Variants in SLC35D2 observed in about 807,000 individuals in gnomAD.
The protein encoded by SLC35D2 is solute carrier family 35 member D2.
In SLC35D2, 43 loss-of-function variants were observed where a neutral mutation model predicts 41.8. That is an observed-to-expected ratio of 1.03 (90% CI 0.81 to 1.33). The LOEUF (loss-of-function observed/expected upper bound fraction) is 1.33. SLC35D2 is among the 40% of genes most tolerant of loss of function. The pLI, the probability that SLC35D2 is intolerant of heterozygous loss-of-function variation, is 0.00. For synonymous variants in SLC35D2, 150 were observed against 163.9 expected, an observed-to-expected ratio of 0.92 and a Z score of 0.65; for missense variants, 380 against 408.4, an observed-to-expected ratio of 0.93 and a Z score of 0.60.
intron 1 of SLC35D2, among the ~76,000 whole-genome samples, chr9:96,378,034 G>C (rs1256553587): frequency 6.6e-6 from 1 of 152,134 alleles, no homozygotes; most frequent in African/African-American, 2.4e-5. Context: ...GTTGCTTTTG[G>C]TTTGGGATAC....
intron 1 of SLC35D2, among the ~76,000 whole-genome samples, chr9:96,373,586 C>T (rs1830801940): frequency 1.3e-5 from 2 of 151,200 alleles, no homozygotes; most frequent in Admixed American, 6.6e-5. Context: ...ACTCGGGAGG[C>T]TGAGGCAGGA....
intron 1 of SLC35D2, among the ~76,000 whole-genome samples, chr9:96,374,577 G>A (rs903181916): frequency 1.3e-5 from 2 of 150,248 alleles, no homozygotes; most frequent in African/African-American, 2.5e-5. Flanking sequence ...GCTCACCCCT[G>A]TAATCCCAGC....
chr9:96,322,454 T>C (rs577316675), intron 10 of SLC35D2, among the ~76,000 whole-genome samples: 4 of 151,902 alleles, frequency 2.6e-5, no homozygotes, highest in Non-Finnish European at 5.9e-5. Flanking sequence ...GCCCAGGAAG[T>C]CAAGGCTGCA....
intron 6 of SLC35D2, among the ~76,000 whole-genome samples, chr9:96,349,153 A>G (rs936647519): frequency 6.6e-6 from 1 of 152,286 alleles, no homozygotes; most frequent in Non-Finnish European, 1.5e-5. Flanking sequence ...TCCCTTTTCA[A>G]TCTTAAAAGA....
chr9:96,339,458 G>A (rs1455269092), intron 8 of SLC35D2, among the ~76,000 whole-genome samples: 1 of 151,958 alleles, frequency 6.6e-6, no homozygotes, highest in East Asian at 1.9e-4. Flanking sequence ...ATAATGATGA[G>A]ACGGTATTAG....
intron 1 of SLC35D2, among the ~76,000 whole-genome samples, chr9:96,372,883 G>C (rs553257395): frequency 2.0e-5 from 3 of 150,204 alleles, no homozygotes; most frequent in Middle Eastern, 3.5e-3. Flanking sequence ...ACCATGCCCG[G>C]GTTTTTTGTT....
chr9:96,373,868 G>A (rs1481684746), intron 1 of SLC35D2: 1 of 152,284 alleles, frequency 6.6e-6, no homozygotes, highest in Admixed American at 6.5e-5. Context: ...AGATTTGGTA[G>A]TAGATTATTT....
At chr9:96,334,358 C>T (rs1213329909) in intron 9 of SLC35D2, among the ~76,000 whole-genome samples, 1 of 152,176 alleles carries the variant, frequency 6.6e-6, no homozygotes, top group Non-Finnish European at 1.5e-5. Flanking sequence ...GCAAAATGGG[C>T]CGGGTGTGGC....
rs759648423 is a variant in SLC35D2, at chr9:96,351,996, G to A, written c.419+42C>T. Reference sequence around the variant, plus strand: ...TTTGCTGGGTAAAAGAAATGCAGTGGGTGGGAGGCACACTGGAAGAATGGA... The same window carrying A: ...TTTGCTGGGTAAAAGAAATGCAGTGAGTGGGAGGCACACTGGAAGAATGGA... On this transcript the variant is annotated intron_variant, in intron 5 of 11. Coordinates refer to ENST00000253270, the MANE Select transcript of SLC35D2 (RefSeq NM_007001.3). 4.6e-6 allele frequency: 6 copies of A among 1,303,450 alleles called. No homozygotes were observed. In the East Asian group the frequency reaches 1.2e-4, roughly 25 times the overall value. The allele number at this position is 1,303,450 out of a possible 1,614,324, so 80.7% of individuals were successfully genotyped here. A position where few individuals can be genotyped will look rare whatever the true frequency, so the allele number is the denominator to read the frequency against.
At chr9:96,322,439 C>T (rs1283977153) in intron 10 of SLC35D2, among the ~76,000 whole-genome samples, 2 of 152,140 alleles carry the variant, frequency 1.3e-5, no homozygotes, top group Non-Finnish European at 2.9e-5. Context: ...GGGAGGATTG[C>T]TTGAGCCCAG....
At chr9:96,315,670 T>C (rs1828035368) in intron 11 of SLC35D2, among the ~76,000 whole-genome samples, 1 of 152,154 alleles carries the variant, frequency 6.6e-6, no homozygotes, top group African/African-American at 2.4e-5. Context: ...CCTGACCTTG[T>C]GATCCACCCG....
chr9:96,336,389 C>T (rs936205807), intron 9 of SLC35D2, among the ~76,000 whole-genome samples: 3 of 152,090 alleles, frequency 2.0e-5, no homozygotes, highest in Non-Finnish European at 2.9e-5. Context: ...AAAACAAAAA[C>T]CAAAAAATCC....
chr9:96,372,894 C>CTTTTGTTT (rs968443073), intron 1 of SLC35D2, among the ~76,000 whole-genome samples: 2 of 147,538 alleles, frequency 1.4e-5, no homozygotes, highest in Admixed American at 1.4e-4. Flanking sequence ...GTTTTTTGTT[C>CTTTTGTTT]TTTTGTTTTT....
At chr9:96,342,280 T>C (rs983685823) in intron 8 of SLC35D2, among the ~76,000 whole-genome samples, 29 of 152,048 alleles carry the variant, frequency 1.9e-4, no homozygotes, top group Non-Finnish European at 3.8e-4. Flanking sequence ...CTGGCTTATT[T>C]TTGTATTTTT....
intron 1 of SLC35D2, among the ~76,000 whole-genome samples, chr9:96,382,496 C>CACTATATA (rs200897475): frequency 2.6e-4 from 33 of 127,932 alleles, no homozygotes; most frequent in African/African-American, 8.2e-4. Context: ...CACACACACA[C>CACTATATA]TATATATATA....
chr9:96,324,621 C>T (rs1828430903), intron 9 of SLC35D2, among the ~76,000 whole-genome samples: 1 of 148,244 alleles, frequency 6.7e-6, no homozygotes, highest in South Asian at 2.1e-4. Flanking sequence ...GGTGCAATCT[C>T]GGCTCACTGC....
chr9:96,347,869 C>T (rs1829646698), intron 6 of SLC35D2, among the ~76,000 whole-genome samples: 1 of 152,198 alleles, frequency 6.6e-6, no homozygotes, highest in Non-Finnish European at 1.5e-5. Context: ...GTCATCCTCA[C>T]TGCTACACTC....
Position 96,383,538 on chromosome 9 carries a change from A to G in SLC35D2, c.97T>C (p.Phe33Leu). ...SRVARLLSAL[F>L]YGTCSFLIVL... Reference sequence around the variant, plus strand: ...ATGAGGAAGGAGCAGGTCCCGTAGAAGAGCGCCGACAGCAGCCGGGCCACC... The same window carrying G: ...ATGAGGAAGGAGCAGGTCCCGTAGAGGAGCGCCGACAGCAGCCGGGCCACC... Residue 33 changes from phenylalanine to leucine, a missense_variant, in exon 1 of 12, where the codon TTC (phenylalanine) becomes CTC (leucine). By Grantham distance (22) the Phe-to-Leu change is conservative. Coordinates refer to ENST00000253270, the MANE Select transcript of SLC35D2 (RefSeq NM_007001.3). 1.3e-6 allele frequency: 2 copies of G among 1,514,336 alleles called. No homozygotes were observed. The highest frequency in any genetic ancestry group is 1.8e-6 in the Non-Finnish European group (2 of 1,130,888). 93.8% of individuals were successfully genotyped at this position (1,514,336 alleles called of 1,614,324 possible). A position where few individuals can be genotyped will look rare whatever the true frequency, so the allele number is the denominator to read the frequency against.
At chr9:96,356,020 T>C (rs1474881633) in intron 4 of SLC35D2, among the ~76,000 whole-genome samples, 1 of 152,244 alleles carries the variant, frequency 6.6e-6, no homozygotes. Flanking sequence ...GTGGGCAATG[T>C]TTCAGCTGTG....
Sources: allele counts gnomAD v4.1 joint callset (sites outside exome capture counted in the v4.1 genomes callset), GRCh38; gene constraint gnomAD v4.1.1; transcripts MANE v1.5; gene names NCBI Gene and HGNC (gene_info 2026-07-23, HGNC 2026-07-21).